Variants in UBE2QL1 observed in about 807,000 individuals in gnomAD.
UBE2QL1 encodes ubiquitin-conjugating enzyme E2Q-like protein 1.
In UBE2QL1, 5 loss-of-function variants were observed where a neutral mutation model predicts 12.6. The observed-to-expected ratio is 0.40, with a 90% CI of 0.21 to 0.83. The LOEUF (loss-of-function observed/expected upper bound fraction) is 0.83. Among genes scored for constraint, UBE2QL1 ranks in the 40% least tolerant of loss-of-function variants. The pLI, the probability that UBE2QL1 is intolerant of heterozygous loss-of-function variation, is 0.37. For missense variants in UBE2QL1, 99 were observed against 222.6 expected (o/e 0.44, Z 3.53); for synonymous variants, 96 against 94.5 (o/e 1.02, Z -0.10).
rs1734659277 is a variant in UBE2QL1, at chr5:6,495,992, G to T, written c.*4643G>T. Among the ~76,000 whole-genome samples, 1 of 152,214 alleles carries T rather than the reference G, an allele frequency of 6.6e-6. No homozygotes were observed. Among genetic ancestry groups the T allele is most frequent in the African/African-American group, 2.4e-5 (1 of 41,458 alleles). On this transcript the variant is annotated 3_prime_UTR_variant, in exon 2 of 2. Coordinates refer to ENST00000399816, the MANE Select transcript of UBE2QL1 (RefSeq NM_001145161.3). ...AAGTAATGTTAGTTTGGTTCCAGAA[G>T]AAACACGGGAGCAAAGTGTGCTGGC...
At chr5:6,453,991 C>T (rs1270575382) in intron 1 of UBE2QL1, among the ~76,000 whole-genome samples, 1 of 152,158 alleles carries the variant, frequency 6.6e-6, no homozygotes, top group Non-Finnish European at 1.5e-5. Context: ...AGCAATCCTC[C>T]CATCTCAGCC....
chr5:6,470,533 C>T (rs1469090008), intron 1 of UBE2QL1, among the ~76,000 whole-genome samples: 1 of 152,192 alleles, frequency 6.6e-6, no homozygotes, highest in African/African-American at 2.4e-5. Flanking sequence ...CGTGTGCACA[C>T]ACACACTTCC....
intron 1 of UBE2QL1, among the ~76,000 whole-genome samples, chr5:6,461,527 T>A (rs1226268687): frequency 8.8e-6 from 1 of 114,154 alleles, no homozygotes; most frequent in East Asian, 3.8e-4. Context: ...ATCCCCAGTG[T>A]TTTTCAGCAC....
chr5:6,459,186 A>T (rs1478319142), intron 1 of UBE2QL1, among the ~76,000 whole-genome samples: 5 of 152,204 alleles, frequency 3.3e-5, no homozygotes, highest in African/African-American at 4.8e-5. Flanking sequence ...TACCCTATGA[A>T]ACATCATTAT....
intron 1 of UBE2QL1, among the ~76,000 whole-genome samples, chr5:6,488,589 G>C (rs1734508521): frequency 1.3e-5 from 2 of 152,018 alleles, no homozygotes; most frequent in African/African-American, 2.4e-5. Context: ...TTGAGCCCAG[G>C]AGTTCGAGAC....
chr5:6,489,963 A>G (rs1734537374), intron 1 of UBE2QL1, among the ~76,000 whole-genome samples: 2 of 152,198 alleles, frequency 1.3e-5, no homozygotes, highest in Admixed American at 6.5e-5. Context: ...TCAGAGAGAA[A>G]TTCTGTTCGC....
At chr5:6,465,184 A>T (rs1739760371) in intron 1 of UBE2QL1, among the ~76,000 whole-genome samples, 1 of 152,024 alleles carries the variant, frequency 6.6e-6, no homozygotes, top group Non-Finnish European at 1.5e-5. Context: ...ATGGGGTTTC[A>T]CCACATTGGC....
At chr5:6,462,806 G>A (rs1739702367) in intron 1 of UBE2QL1, among the ~76,000 whole-genome samples, 1 of 152,290 alleles carries the variant, frequency 6.6e-6, no homozygotes, top group South Asian at 2.1e-4. Flanking sequence ...GGGAGATTGA[G>A]GGAAATATAA....
At chr5:6,460,305 G>A (rs1169041340) in intron 1 of UBE2QL1, among the ~76,000 whole-genome samples, 2 of 152,226 alleles carry the variant, frequency 1.3e-5, no homozygotes, top group Non-Finnish European at 2.9e-5. Flanking sequence ...CATAGGTAAG[G>A]TGATCAATAG....
chr5:6,456,288 G>A lies in UBE2QL1; in HGVS notation c.354+7041G>A, dbSNP rs185838419. 4.6e-5 allele frequency among the ~76,000 whole-genome samples: 7 copies of A among 152,338 alleles called. No homozygotes were observed. In the East Asian group the frequency reaches 7.7e-4, roughly 17 times the overall value. On this transcript the variant is annotated intron_variant, in intron 1 of 1. Transcript: ENST00000399816. ...CAATAGACAGTGGCCTGGGTATATA[G>A]TGGGGACATGGGCACAGTGGGGTCC... is the stretch of plus-strand genomic sequence containing the variant.
intron 1 of UBE2QL1, among the ~76,000 whole-genome samples, chr5:6,463,755 G>C (rs966150091): frequency 6.8e-6 from 1 of 147,040 alleles, no homozygotes; most frequent in African/African-American, 2.5e-5. Context: ...AGCCTCCCGA[G>C]TAGCTGGGAC....
chr5:6,491,134 G>A (rs2076621655), intron 1 of UBE2QL1, 84 bp from the exon 2 acceptor site: 10 of 1,413,514 alleles, frequency 7.1e-6, no homozygotes, highest in Admixed American at 5.4e-5. Flanking sequence ...AAATCCCCAC[G>A]ACTCTGTGTG....
intron 1 of UBE2QL1, among the ~76,000 whole-genome samples, chr5:6,465,125 C>T (rs1739758855): frequency 6.6e-6 from 1 of 151,806 alleles, no homozygotes; most frequent in African/African-American, 2.4e-5. Context: ...TATCTGGGAC[C>T]ACAGGTGTGC....
intron 1 of UBE2QL1, among the ~76,000 whole-genome samples, chr5:6,480,023 G>A (rs555070233): frequency 5.8e-4 from 88 of 152,350 alleles, no homozygotes; most frequent in African/African-American, 1.9e-3. Context: ...GGTAATTGGT[G>A]GCCAAGGAGC....
rs1734571268 is a variant in UBE2QL1, at chr5:6,491,582, C to G, written c.*233C>G. 2.5e-6 allele frequency: 1 copy of G among 394,740 alleles called. No individual in the cohort carries two copies. Among genetic ancestry groups the G allele is most frequent in the African/African-American group, 2.1e-5 (1 of 48,630 alleles). The allele number at this position is 394,740 out of a possible 1,614,324, so 24.5% of individuals were successfully genotyped here. ...TAAATGAATGATCACCTCGAAGTCACTTTAGAACACATGTTGAGATGGTGA... is the reference window on the plus strand; with the variant it reads ...TAAATGAATGATCACCTCGAAGTCAGTTTAGAACACATGTTGAGATGGTGA... On this transcript the variant is annotated 3_prime_UTR_variant, in exon 2 of 2. Transcript: ENST00000399816.
rs1579283799 is a variant in UBE2QL1, at chr5:6,450,142, C to G, written c.354+895C>G. Among the ~76,000 whole-genome samples, 3 of 151,410 alleles carry G rather than the reference C, an allele frequency of 2.0e-5. No individual in the cohort carries two copies. In the South Asian group the frequency reaches 6.3e-4, roughly 32 times the overall value. ...CCCTCAGAGCACCCCCTTCCTTCCC[C>G]GAACCCCTTAGGACCACCACCTCTG... On this transcript the variant is annotated intron_variant, in intron 1 of 1. Coordinates refer to ENST00000399816, the MANE Select transcript of UBE2QL1 (RefSeq NM_001145161.3).
chr5:6,461,906 C>T (rs1469777679), intron 1 of UBE2QL1, among the ~76,000 whole-genome samples: 5 of 152,294 alleles, frequency 3.3e-5, no homozygotes, highest in South Asian at 2.1e-4. Context: ...CCAGCTCCAC[C>T]GAATGTCCCA....
rs1481102059 is a variant in UBE2QL1, at chr5:6,494,508, C to T, written c.*3159C>T. On this transcript the variant is annotated 3_prime_UTR_variant, in exon 2 of 2. Transcript: ENST00000399816. ...AGCCATGTGTCCATGTAACCCTGGC[C>T]AGTCACTCCACCTGCCTGAGCCTTG... 1 of 152,162 alleles carries T rather than the reference C, an allele frequency of 6.6e-6. No homozygotes were observed. Among genetic ancestry groups the T allele is most frequent in the Non-Finnish European group, 1.5e-5 (1 of 68,036 alleles). The allele number at this position is 152,162 out of a possible 1,614,324, so 9.4% of individuals were successfully genotyped here. A position where few individuals can be genotyped will look rare whatever the true frequency, so the allele number is the denominator to read the frequency against.
intron 1 of UBE2QL1, among the ~76,000 whole-genome samples, chr5:6,464,035 T>G (rs1187535521): frequency 6.6e-6 from 1 of 151,546 alleles, no homozygotes; most frequent in African/African-American, 2.4e-5. Flanking sequence ...TGCAATGGCG[T>G]GATCTCAGCT....
Sources: allele counts gnomAD v4.1 joint callset (sites outside exome capture counted in the v4.1 genomes callset), GRCh38; gene constraint gnomAD v4.1.1; transcripts MANE v1.5; gene names NCBI Gene and HGNC (gene_info 2026-07-23, HGNC 2026-07-21).